CDH18: variants seen among roughly 807,000 people sequenced by gnomAD.
The protein encoded by CDH18 is cadherin-18.
CDH18 carries 31 observed loss-of-function variants against 67.9 expected under a neutral mutation model. The ratio of observed to expected loss-of-function variants is 0.46; its 90% CI spans 0.34 to 0.62. CDH18 has a LOEUF of 0.62. CDH18 is among the 20% of genes least tolerant of loss of function. The pLI is 0.01. For missense variants in CDH18, 890 were observed against 975.5 expected (o/e 0.91, Z 1.17); for synonymous variants, 362 against 347.2 (o/e 1.04, Z -0.48).
intron 2 of CDH18, among the ~76,000 whole-genome samples, chr5:20,228,009 T>A (rs1313638704): frequency 6.6e-6 from 1 of 152,130 alleles, no homozygotes; most frequent in African/African-American, 2.4e-5. Flanking sequence ...AAATAATTTA[T>A]TTATGTTAAA....
intron 4 of CDH18, among the ~76,000 whole-genome samples, chr5:19,730,960 G>C (rs1047320630): frequency 6.6e-6 from 1 of 152,198 alleles, no homozygotes; most frequent in African/African-American, 2.4e-5. Context: ...GGTTCCTGTG[G>C]AGATGAGGAG....
intron 2 of CDH18, among the ~76,000 whole-genome samples, chr5:20,126,062 C>T (rs1027484424): frequency 4.6e-5 from 7 of 152,070 alleles, no homozygotes; most frequent in African/African-American, 1.2e-4. Context: ...GATTTCAAAA[C>T]GAATGACATA....
intron 8 of CDH18, among the ~76,000 whole-genome samples, chr5:19,562,841 T>C (rs1739690876): frequency 6.6e-6 from 1 of 152,196 alleles, no homozygotes; most frequent in Non-Finnish European, 1.5e-5. Flanking sequence ...ATGGGGCATA[T>C]ACTCATTCAC....
At chr5:20,221,909 T>A (rs1741257429) in intron 2 of CDH18, among the ~76,000 whole-genome samples, 1 of 152,174 alleles carries the variant, frequency 6.6e-6, no homozygotes, top group Non-Finnish European at 1.5e-5. Flanking sequence ...TATTCTTTCT[T>A]CCTTTTGCAG....
At chr5:19,617,887 T>C (rs73760038) in intron 5 of CDH18, among the ~76,000 whole-genome samples, 14 of 152,338 alleles carry the variant, frequency 9.2e-5, no homozygotes, top group African/African-American at 3.4e-4. Context: ...ACATTACTTG[T>C]TGAGCTTGAG....
intron 2 of CDH18, among the ~76,000 whole-genome samples, chr5:19,894,757 T>G (rs1789125291): frequency 1.3e-5 from 2 of 152,266 alleles, no homozygotes; most frequent in Middle Eastern, 3.4e-3. Flanking sequence ...TCAGTAACAT[T>G]TGACCTCTGA....
intron 1 of CDH18, among the ~76,000 whole-genome samples, chr5:20,363,477 C>CA (rs1187140017): frequency 0.81 from 81,464 of 101,184 alleles, 34,882 homozygotes; most frequent in Middle Eastern, 0.94. Context: ...GACTCCGTAT[C>CA]AAAAAAAAAA....
At chr5:20,134,365 C>T (rs1173719113) in intron 2 of CDH18, among the ~76,000 whole-genome samples, 3 of 152,140 alleles carry the variant, frequency 2.0e-5, no homozygotes, top group Non-Finnish European at 2.9e-5. Context: ...TTTCTACTTA[C>T]ATACAATCAA....
At chr5:20,188,182 TTTAA>T (rs746605304) in intron 2 of CDH18, among the ~76,000 whole-genome samples, 7 of 151,984 alleles carry the variant, frequency 4.6e-5, no homozygotes, top group Non-Finnish European at 8.8e-5. Context: ...TAAAGCCCCA[TTTAA>T]TTAAATAATG....
At chr5:20,483,421 TA>T (rs1479751669) in intron 1 of CDH18, among the ~76,000 whole-genome samples, 1 of 151,998 alleles carries the variant, frequency 6.6e-6, no homozygotes, top group Non-Finnish European at 1.5e-5. Flanking sequence ...AAAATAATCC[TA>T]AAATTTCTAT....
intron 1 of CDH18, among the ~76,000 whole-genome samples, chr5:20,491,195 T>TTTATTATTATTA (rs56678208): frequency 3.3e-4 from 49 of 149,902 alleles, no homozygotes; most frequent in African/African-American, 1.0e-3. Context: ...TAGTATTTGG[T>TTTATTATTATTA]TTATTATTAT....
intron 1 of CDH18, among the ~76,000 whole-genome samples, chr5:20,490,191 G>A (rs918947136): frequency 1.3e-5 from 2 of 151,874 alleles, no homozygotes; most frequent in African/African-American, 4.8e-5. Flanking sequence ...CCATGCATTC[G>A]GGCCCTGGGG....
chr5:19,978,584 TA>T (rs1391825224), intron 2 of CDH18, among the ~76,000 whole-genome samples: 1 of 152,144 alleles, frequency 6.6e-6, no homozygotes, highest in Admixed American at 6.5e-5. Context: ...AAGTCTGACA[TA>T]AGTCTCAACT....
intron 2 of CDH18, among the ~76,000 whole-genome samples, chr5:20,029,039 C>G (rs1437327665): frequency 6.6e-6 from 1 of 151,824 alleles, no homozygotes; most frequent in African/African-American, 2.4e-5. Context: ...CTTTTGGATC[C>G]AAGGATCCAA....
chr5:20,215,047 C>G (rs1158688403), intron 2 of CDH18, among the ~76,000 whole-genome samples: 2 of 151,904 alleles, frequency 1.3e-5, no homozygotes, highest in Non-Finnish European at 2.9e-5. Flanking sequence ...GGACACTTTT[C>G]AAAAGAAGAC....
chr5:19,623,131 C>A (rs1750968380), intron 5 of CDH18, among the ~76,000 whole-genome samples: 1 of 152,206 alleles, frequency 6.6e-6, no homozygotes, highest in Non-Finnish European at 1.5e-5. Flanking sequence ...ACATAACTCA[C>A]AAATGGAATA....
chr5:20,396,842 G>C (rs1489102675), intron 1 of CDH18, among the ~76,000 whole-genome samples: 3 of 152,052 alleles, frequency 2.0e-5, no homozygotes, highest in Non-Finnish European at 4.4e-5. Context: ...GAAACACTTA[G>C]ATTTATTTGT....
chr5:20,427,927 TG>T (rs1356103010), intron 1 of CDH18, among the ~76,000 whole-genome samples: 5 of 151,164 alleles, frequency 3.3e-5, no homozygotes, highest in Admixed American at 2.6e-4. Context: ...CCAACGTGTT[TG>T]TTTTTTTGTT....
At chr5:20,349,376 C>T (rs1014209979) in intron 1 of CDH18, among the ~76,000 whole-genome samples, 1 of 152,094 alleles carries the variant, frequency 6.6e-6, no homozygotes, top group Admixed American at 6.6e-5. Context: ...ATGCAGAATT[C>T]ATTGAATACT....
Sources: allele counts gnomAD v4.1 joint callset (sites outside exome capture counted in the v4.1 genomes callset), GRCh38; gene constraint gnomAD v4.1.1; transcripts MANE v1.5; gene names NCBI Gene and HGNC (gene_info 2026-07-23, HGNC 2026-07-21).